Variants in CACHD1 observed in about 807,000 individuals in gnomAD.
CACHD1 encodes the protein VWFA and cache domain-containing protein 1.
A neutral mutation model predicts 138.7 loss-of-function variants in CACHD1; 71 were observed. That is an observed-to-expected ratio of 0.51 (90% CI 0.42 to 0.62). The LOEUF is 0.62. Ranked by LOEUF, CACHD1 falls within the 20% of genes least tolerant of loss-of-function variation. The pLI is 0.00. For synonymous variants in CACHD1, 578 were observed against 591.5 expected (o/e 0.98, Z 0.33); for missense variants, 1,389 against 1,625.3 (o/e 0.85, Z 2.50).
chr1:64,541,524 G>A (rs1646677098), intron 1 of CACHD1, among the ~76,000 whole-genome samples: 1 of 152,124 alleles, frequency 6.6e-6, no homozygotes, highest in Non-Finnish European at 1.5e-5. Context: ...AATGAGGTGT[G>A]GGGCTGGGAG....
At chr1:64,510,545 G>T (rs1165215858) in intron 1 of CACHD1, among the ~76,000 whole-genome samples, 2 of 152,148 alleles carry the variant, frequency 1.3e-5, no homozygotes, top group African/African-American at 4.8e-5. Flanking sequence ...GGTTGTTTAG[G>T]TAGCTTAATC....
chr1:64,483,928 C>T (rs1239346021), intron 1 of CACHD1, among the ~76,000 whole-genome samples: 1 of 149,290 alleles, frequency 6.7e-6, no homozygotes, highest in Non-Finnish European at 1.5e-5. Flanking sequence ...GACCCAGAAC[C>T]TTTGAACTTG....
intron 4 of CACHD1, among the ~76,000 whole-genome samples, chr1:64,611,817 GC>G (rs1647542625): frequency 6.6e-6 from 1 of 152,170 alleles, no homozygotes; most frequent in Non-Finnish European, 1.5e-5. Context: ...TATCTTTATA[GC>G]AGTGCCTCGC....
At chr1:64,623,503 C>T (rs1052819432) in intron 4 of CACHD1, among the ~76,000 whole-genome samples, 1 of 151,964 alleles carries the variant, frequency 6.6e-6, no homozygotes, top group South Asian at 2.1e-4. Flanking sequence ...GATACCAATC[C>T]TGCAGCTCTC....
At chr1:64,473,994 C>G (rs1391400714) in intron 1 of CACHD1, among the ~76,000 whole-genome samples, 2 of 152,224 alleles carry the variant, frequency 1.3e-5, no homozygotes, top group African/African-American at 4.8e-5. Context: ...TGAAAAGCGT[C>G]TACCTTGAAG....
At position 64,652,264 on chromosome 1, in the gene CACHD1, T is replaced by C; in HGVS notation, c.1494T>C (p.Tyr498=). The C allele has an allele frequency of 1.2e-6, 2 of 1,613,718 alleles. No individual in the cohort carries two copies. Among genetic ancestry groups the C allele is most frequent in the Non-Finnish European group, 1.7e-6 (2 of 1,179,832 alleles). ...CTTACATTCTTGAAGACGTGACGTATTACCAAGACTCTTTGGCTTCCTATA... is the reference window on the plus strand; with the variant it reads ...CTTACATTCTTGAAGACGTGACGTACTACCAAGACTCTTTGGCTTCCTATA... ...NLAYILEDVT[Y]YQDSLASYTF... is the part of the protein sequence containing the mutation. Residue 498 remains tyrosine, a synonymous_variant, in exon 10 of 27, where the codon TAT becomes TAC. Coordinates refer to ENST00000651257, the MANE Select transcript of CACHD1 (RefSeq NM_020925.4).
At chr1:64,473,221 G>A (rs562624076) in intron 1 of CACHD1, among the ~76,000 whole-genome samples, 1 of 152,098 alleles carries the variant, frequency 6.6e-6, no homozygotes, top group East Asian at 1.9e-4. Flanking sequence ...CACACATACT[G>A]TATTTAAATT....
chr1:64,602,746 T>A, intron 3 of CACHD1, 60 bp from the exon 4 acceptor site: 3 of 1,037,102 alleles, frequency 2.9e-6, no homozygotes, highest in Non-Finnish European at 4.6e-6. Context: ...AAACCATTAT[T>A]TTTGTTGGTT....
At chr1:64,668,748 G>A (rs1649721852) in intron 16 of CACHD1, among the ~76,000 whole-genome samples, 1 of 152,226 alleles carries the variant, frequency 6.6e-6, no homozygotes, top group East Asian at 1.9e-4. Context: ...TTGCTTAGCA[G>A]AGTGTGATTT....
At chr1:64,603,730 G>C (rs1647261029) in intron 4 of CACHD1, among the ~76,000 whole-genome samples, 1 of 151,974 alleles carries the variant, frequency 6.6e-6, no homozygotes, top group Non-Finnish European at 1.5e-5. Context: ...ATAACTACTG[G>C]GTACTCATAT....
In CACHD1 at chr1:64,606,127, A is replaced by ACACACACACACACACACACACG. The variant is rs1553138116; in HGVS notation, c.517+3218_517+3219insACACACACACACACACACGCAC. On this transcript the variant is annotated intron_variant, in intron 4 of 26. Transcript: ENST00000651257. The stretch of plus-strand genomic sequence containing the variant: ...TGTAAACACACACACACACACACAC[A>ACACACACACACACACACACACG]CACGCACACACACGCACACAGCTTA... Among the ~76,000 whole-genome samples the ACACACACACACACACACACACG allele has an allele frequency of 2.6e-5, 4 of 151,884 alleles. No homozygotes were observed. In the East Asian group the frequency reaches 5.8e-4, roughly 22 times the overall value.
chr1:64,539,227 G>T (rs1328258177), intron 1 of CACHD1, among the ~76,000 whole-genome samples: 2 of 152,138 alleles, frequency 1.3e-5, no homozygotes, highest in Non-Finnish European at 2.9e-5. Context: ...CTGGCCCTGA[G>T]CATGTGGAAT....
At chr1:64,671,756 G>C in intron 17 of CACHD1, 70 bp downstream of exon 17, 2 of 1,573,522 alleles carry the variant, frequency 1.3e-6, no homozygotes, top group Non-Finnish European at 1.7e-6. Context: ...ATCTCTAGTT[G>C]AATGGGAACC....
chr1:64,683,641 C>G (rs1209868463), intron 26 of CACHD1, among the ~76,000 whole-genome samples: 1 of 152,136 alleles, frequency 6.6e-6, no homozygotes. Context: ...CTAAGGCATC[C>G]AGCTAAGGGC....
intron 8 of CACHD1, among the ~76,000 whole-genome samples, chr1:64,644,623 C>G (rs1240831329): frequency 6.6e-6 from 1 of 152,188 alleles, no homozygotes; most frequent in Non-Finnish European, 1.5e-5. Flanking sequence ...GCATCTTTTT[C>G]TCTTCTCTTT....
At chr1:64,491,415 T>C (rs1194378714) in intron 1 of CACHD1, among the ~76,000 whole-genome samples, 1 of 152,114 alleles carries the variant, frequency 6.6e-6, no homozygotes, top group Non-Finnish European at 1.5e-5. Context: ...CTTACAATCA[T>C]GGTGGAAGGC....
At chr1:64,567,215 A>G (rs1371678719) in intron 2 of CACHD1, among the ~76,000 whole-genome samples, 1 of 152,162 alleles carries the variant, frequency 6.6e-6, no homozygotes, top group Non-Finnish European at 1.5e-5. Flanking sequence ...AGAGAAACAA[A>G]GAGCTTATCC....
chr1:64,507,085 A>G (rs1464010635), intron 1 of CACHD1, among the ~76,000 whole-genome samples: 1 of 152,196 alleles, frequency 6.6e-6, no homozygotes, highest in African/African-American at 2.4e-5. Flanking sequence ...AAGGCCTTGG[A>G]AGTTCATGAC....
chr1:64,661,914 C>T (rs1413449457), intron 13 of CACHD1, among the ~76,000 whole-genome samples: 1 of 152,092 alleles, frequency 6.6e-6, no homozygotes, highest in African/African-American at 2.4e-5. Flanking sequence ...TAATAAAATT[C>T]CTGGATTGAA....
Sources: allele counts gnomAD v4.1 joint callset (sites outside exome capture counted in the v4.1 genomes callset), GRCh38; gene constraint gnomAD v4.1.1; transcripts MANE v1.5; gene names NCBI Gene and HGNC (gene_info 2026-07-23, HGNC 2026-07-21).